The following CERS6 variants were observed in gnomAD, a reference collection of about 807,000 sequenced individuals.
CERS6 encodes the protein LAG1 homolog, ceramide synthase 6.
CERS6 carries 26 observed loss-of-function variants against 56.8 expected under a neutral mutation model. That is an observed-to-expected ratio of 0.46 (90% CI 0.34 to 0.63). The LOEUF (loss-of-function observed/expected upper bound fraction) is 0.63. Ranked by LOEUF, CERS6 falls within the 30% of genes least tolerant of loss-of-function variation. The pLI is 0.01. For missense variants in CERS6, 415 were observed against 467.5 expected, an observed-to-expected ratio of 0.89 and a Z score of 1.04; for synonymous variants, 164 against 173.3, an observed-to-expected ratio of 0.95 and a Z score of 0.42.
intron 1 of CERS6, among the ~76,000 whole-genome samples, chr2:168,514,073 C>T (rs989928713): frequency 3.3e-5 from 5 of 152,284 alleles, no homozygotes; most frequent in East Asian, 3.9e-4. Context: ...TAGTAATTTA[C>T]GGTGTTGTTA....
At chr2:168,512,948 G>A (rs1694815584) in intron 1 of CERS6, among the ~76,000 whole-genome samples, 1 of 152,132 alleles carries the variant, frequency 6.6e-6, no homozygotes, top group South Asian at 2.1e-4. Context: ...TTACAGGTGT[G>A]AGCTGCTGCG....
intron 4 of CERS6, among the ~76,000 whole-genome samples, chr2:168,683,435 C>T (rs2105352852): frequency 6.6e-6 from 1 of 152,270 alleles, no homozygotes; most frequent in Non-Finnish European, 1.5e-5. Flanking sequence ...ATGTTTTAAT[C>T]ACTTTTTATG....
At chr2:168,460,880 G>C (rs1330191839) in intron 1 of CERS6, among the ~76,000 whole-genome samples, 1 of 152,100 alleles carries the variant, frequency 6.6e-6, no homozygotes, top group African/African-American at 2.4e-5. Flanking sequence ...GAAACGACAG[G>C]GTCTCAGTTG....
Position 168,774,916 on chromosome 2 carries a change from C to G in CERS6, c.*5254C>G, listed in dbSNP as rs970184217. 3.3e-5 allele frequency: 5 copies of G among 152,092 alleles called. No homozygotes were observed. Among genetic ancestry groups the G allele is most frequent in the Non-Finnish European group, 7.4e-5 (5 of 67,994 alleles). 9.4% of individuals were successfully genotyped at this position (152,092 alleles called of 1,614,324 possible). A position where few individuals can be genotyped will look rare whatever the true frequency, so the allele number is the denominator to read the frequency against. ...AAATAGGATAGGTGACAAAACCTTA[C>G]TTGTTTTCTTAAGACAATTCAGTGC... On this transcript the variant is annotated 3_prime_UTR_variant, in exon 10 of 10. Coordinates refer to ENST00000305747, the MANE Select transcript of CERS6 (RefSeq NM_203463.3).
chr2:168,473,340 T>C (rs1412298887), intron 1 of CERS6, among the ~76,000 whole-genome samples: 2 of 152,134 alleles, frequency 1.3e-5, no homozygotes, highest in African/African-American at 4.8e-5. Flanking sequence ...TCTGTTTGCA[T>C]TTTTTTCAGT....
At position 168,769,967 on chromosome 2, in the gene CERS6, C is replaced by G. The variant is rs1684822944; in HGVS notation, c.*305C>G. 1 of 303,370 alleles carries G rather than the reference C, an allele frequency of 3.3e-6. No individual in the cohort carries two copies. Among genetic ancestry groups the G allele is most frequent in the Admixed American group, 6.0e-5 (1 of 16,782 alleles). The allele number at this position is 303,370 out of a possible 1,614,324, so 18.8% of individuals were successfully genotyped here. ...GTGGACAAAAGAGGGTTTCCTCACT[C>G]CTTTTACTCACTGGGCTCATGACAG... On this transcript the variant is annotated 3_prime_UTR_variant, in exon 10 of 10. Transcript: ENST00000305747.
At chr2:168,650,007 A>C (rs748906870) in intron 4 of CERS6, among the ~76,000 whole-genome samples, 3 of 152,206 alleles carry the variant, frequency 2.0e-5, no homozygotes, top group African/African-American at 4.8e-5. Context: ...TAAGTAAGGT[A>C]TATTGAGAAT....
intron 8 of CERS6, among the ~76,000 whole-genome samples, chr2:168,744,327 AATC>A (rs1230478996): frequency 1.3e-5 from 2 of 151,880 alleles, no homozygotes; most frequent in East Asian, 3.8e-4. Context: ...TCTGGTTAGG[AATC>A]ATTCTTTATA....
At chr2:168,765,009 T>A (rs1684689657) in intron 8 of CERS6, among the ~76,000 whole-genome samples, 1 of 152,204 alleles carries the variant, frequency 6.6e-6, no homozygotes, top group African/African-American at 2.4e-5. Flanking sequence ...ATATGACTTA[T>A]ACGTATTATA....
intron 8 of CERS6, among the ~76,000 whole-genome samples, chr2:168,744,799 G>A (rs1684051415): frequency 6.6e-6 from 1 of 152,220 alleles, no homozygotes; most frequent in African/African-American, 2.4e-5. Flanking sequence ...GTTATTCAAA[G>A]TTAGAGATTT....
intron 1 of CERS6, among the ~76,000 whole-genome samples, chr2:168,496,555 C>T (rs1216342647): frequency 1.3e-5 from 2 of 152,168 alleles, no homozygotes; most frequent in African/African-American, 2.4e-5. Flanking sequence ...CAGAGTTCAG[C>T]TCTATAATTC....
At position 168,717,860 on chromosome 2, in the gene CERS6, T is replaced by A. The variant is rs2105392889; in HGVS notation, c.739-12T>A. 1 of 1,600,098 alleles carries A rather than the reference T, an allele frequency of 6.2e-7. No individual in the cohort carries two copies. Among genetic ancestry groups the A allele is most frequent in the Non-Finnish European group, 8.6e-7 (1 of 1,168,150 alleles). The stretch of plus-strand genomic sequence containing the variant: ...TAACTACATTAATATATCACATTCC[T>A]TTCTTTCATAGGCTGCCAAAATGGC... On this transcript the variant is annotated splice_polypyrimidine_tract_variant and intron_variant, in intron 7 of 9. Coordinates refer to ENST00000305747, the MANE Select transcript of CERS6 (RefSeq NM_203463.3).
chr2:168,754,757 C>A (rs957469868), intron 8 of CERS6, among the ~76,000 whole-genome samples: 1 of 152,142 alleles, frequency 6.6e-6, no homozygotes, highest in Non-Finnish European at 1.5e-5. Flanking sequence ...GAAGACTATA[C>A]ATTCTCTGTT....
intron 3 of CERS6, among the ~76,000 whole-genome samples, chr2:168,603,860 A>G (rs1238880363): frequency 6.6e-6 from 1 of 152,236 alleles, no homozygotes; most frequent in African/African-American, 2.4e-5. Context: ...GGAGTTAGGC[A>G]GTTGAGCATA....
chr2:168,523,295 AGTT>A (rs1237830156), intron 1 of CERS6, among the ~76,000 whole-genome samples: 2 of 152,186 alleles, frequency 1.3e-5, no homozygotes, highest in African/African-American at 4.8e-5. Flanking sequence ...AAAAATGAAC[AGTT>A]GTTCTCTTAT....
chr2:168,576,608 T>C (rs10181875), intron 3 of CERS6, among the ~76,000 whole-genome samples: 9,565 of 152,314 alleles, frequency 0.063, 418 homozygotes, highest in Non-Finnish European at 0.094. Context: ...TGAAAACTTA[T>C]AGAGAAGTTT....
At chr2:168,463,414 C>T (rs10209303) in intron 1 of CERS6, among the ~76,000 whole-genome samples, 12 of 152,070 alleles carry the variant, frequency 7.9e-5, no homozygotes, top group East Asian at 1.9e-4. Context: ...TGTTTTTGTT[C>T]GATATTTAGG....
intron 1 of CERS6, among the ~76,000 whole-genome samples, chr2:168,460,389 G>T (rs1427498262): frequency 6.6e-6 from 1 of 151,902 alleles, no homozygotes; most frequent in African/African-American, 2.4e-5. Flanking sequence ...TAGAGATGGG[G>T]TCTCCCTGTG....
chr2:168,619,463 A>G (rs1684408076), intron 3 of CERS6, among the ~76,000 whole-genome samples: 1 of 152,304 alleles, frequency 6.6e-6, no homozygotes, highest in Middle Eastern at 3.4e-3. Context: ...ACATCTGACA[A>G]AGGACTAACA....
Sources: allele counts gnomAD v4.1 joint callset (sites outside exome capture counted in the v4.1 genomes callset), GRCh38; gene constraint gnomAD v4.1.1; transcripts MANE v1.5; gene names NCBI Gene and HGNC (gene_info 2026-07-23, HGNC 2026-07-21).